Variants in PDE10A observed in about 807,000 individuals in gnomAD.
PDE10A encodes phosphodiesterase 10A, also known as cAMP and cAMP-inhibited cGMP 3',5'-cyclic phosphodiesterase 10A.
Under a neutral mutation model 97.7 loss-of-function variants are expected in PDE10A, and 39 were observed. That is an observed-to-expected ratio of 0.40 (90% CI 0.31 to 0.52). PDE10A has a LOEUF of 0.52. Ranked by LOEUF, PDE10A falls within the 20% of genes least tolerant of loss-of-function variation. The pLI is 0.56. For synonymous variants in PDE10A, 371 were observed against 376.8 expected (o/e 0.98, Z 0.18); for missense variants, 731 against 1,047.8 (o/e 0.70, Z 4.17).
intron 5 of PDE10A, among the ~76,000 whole-genome samples, chr6:165,446,143 A>C (rs984021153): frequency 2.6e-5 from 4 of 152,224 alleles, no homozygotes; most frequent in Non-Finnish European, 5.9e-5. Flanking sequence ...TATTTTAGTC[A>C]ATATTCAGAG....
At chr6:165,736,105 A>C (rs1235001281) in intron 1 of PDE10A, among the ~76,000 whole-genome samples, 1 of 152,220 alleles carries the variant, frequency 6.6e-6, no homozygotes, top group Non-Finnish European at 1.5e-5. Flanking sequence ...CAGTTCCTAA[A>C]TCATAGTTGC....
chr6:165,532,029 T>TA (rs1291537708), intron 2 of PDE10A, among the ~76,000 whole-genome samples: 1 of 152,156 alleles, frequency 6.6e-6, no homozygotes, highest in African/African-American at 2.4e-5. Flanking sequence ...AAAACTTTTT[T>TA]AAAAAAAGGA....
At chr6:165,790,467 T>C (rs1442789985) in intron 1 of PDE10A, among the ~76,000 whole-genome samples, 1 of 152,196 alleles carries the variant, frequency 6.6e-6, no homozygotes, top group Non-Finnish European at 1.5e-5. Context: ...TGGATAAATA[T>C]AAAATTGTAA....
At chr6:165,529,493 A>C (rs894757411) in intron 2 of PDE10A, among the ~76,000 whole-genome samples, 5 of 152,210 alleles carry the variant, frequency 3.3e-5, no homozygotes, top group African/African-American at 1.2e-4. Context: ...GCTGAAGGCC[A>C]AGGAAATACA....
At chr6:165,556,503 C>G (rs1218513350) in intron 1 of PDE10A, among the ~76,000 whole-genome samples, 2 of 152,000 alleles carry the variant, frequency 1.3e-5, no homozygotes, top group Non-Finnish European at 1.5e-5. Flanking sequence ...TTAAAGGGGA[C>G]AATAGTCATT....
chr6:165,986,927 C>T (rs1333832477), intron 1 of PDE10A, among the ~76,000 whole-genome samples: 1 of 151,532 alleles, frequency 6.6e-6, no homozygotes, highest in Non-Finnish European at 1.5e-5. Context: ...TCCGGACCCC[C>T]TCCTCCCCTA....
chr6:165,927,689 T>G (rs918237244), intron 1 of PDE10A, among the ~76,000 whole-genome samples: 5 of 139,066 alleles, frequency 3.6e-5, no homozygotes, highest in Non-Finnish European at 6.2e-5. Flanking sequence ...GTTTTTTGTT[T>G]GTTTGTTTGT....
chr6:165,384,965 A>G (rs1408529281), intron 17 of PDE10A, among the ~76,000 whole-genome samples: 1 of 152,186 alleles, frequency 6.6e-6, no homozygotes, highest in African/African-American at 2.4e-5. Flanking sequence ...CCATGCTCGT[A>G]ATCATCTGTG....
At chr6:165,670,203 A>C (rs1195419912) in intron 1 of PDE10A, among the ~76,000 whole-genome samples, 1 of 152,232 alleles carries the variant, frequency 6.6e-6, no homozygotes, top group African/African-American at 2.4e-5. Context: ...CTTCCTTCCC[A>C]AAACGACTGA....
intron 1 of PDE10A, among the ~76,000 whole-genome samples, chr6:165,874,792 G>A (rs148141550): frequency 5.8e-3 from 879 of 152,226 alleles, no homozygotes; most frequent in Middle Eastern, 0.027. Flanking sequence ...GGCGTAGTGG[G>A]TCTGCACTGA....
chr6:165,718,854 G>A (rs1029533079), intron 1 of PDE10A, among the ~76,000 whole-genome samples: 9 of 152,004 alleles, frequency 5.9e-5, no homozygotes, highest in Middle Eastern at 3.4e-3. Context: ...GAATGACTGA[G>A]GCTAAAATAA....
chr6:165,794,978 TACTC>T (rs1409864470), intron 1 of PDE10A, among the ~76,000 whole-genome samples: 1 of 152,244 alleles, frequency 6.6e-6, no homozygotes, highest in Non-Finnish European at 1.5e-5. Flanking sequence ...ATTATATAGA[TACTC>T]TATTATAAAA....
At chr6:165,336,696 C>A (rs1020794533) in intron 20 of PDE10A, among the ~76,000 whole-genome samples, 16 of 149,520 alleles carry the variant, frequency 1.1e-4, no homozygotes, top group Non-Finnish European at 2.1e-4. Flanking sequence ...TTGCAGTGAG[C>A]CGAGATTGCG....
intron 21 of PDE10A, among the ~76,000 whole-genome samples, chr6:165,335,415 CAAT>C (rs1045930905): frequency 6.6e-6 from 1 of 152,026 alleles, no homozygotes; most frequent in Non-Finnish European, 1.5e-5. Context: ...TGCAAAATAA[CAAT>C]AATAATAAAA....
At chr6:165,837,772 G>T (rs1393095390) in intron 1 of PDE10A, among the ~76,000 whole-genome samples, 2 of 139,402 alleles carry the variant, frequency 1.4e-5, no homozygotes, top group Admixed American at 1.6e-4. Context: ...TGCAAGCTCC[G>T]CCTCCCAGGT....
At chr6:165,874,684 C>A (rs7776001) in intron 1 of PDE10A, among the ~76,000 whole-genome samples, 26,639 of 152,090 alleles carry the variant, frequency 0.18, 2,483 homozygotes, top group Admixed American at 0.23. Flanking sequence ...TCAAATTATT[C>A]ACAATTGAAA....
chr6:165,789,579 A>T (rs1778590752), intron 1 of PDE10A, among the ~76,000 whole-genome samples: 3 of 152,248 alleles, frequency 2.0e-5, no homozygotes, highest in African/African-American at 7.2e-5. Flanking sequence ...TAATAATTAC[A>T]TAAGAAAACA....
At chr6:165,735,578 C>T (rs1049657916) in intron 1 of PDE10A, among the ~76,000 whole-genome samples, 1 of 152,058 alleles carries the variant, frequency 6.6e-6, no homozygotes, top group Non-Finnish European at 1.5e-5. Flanking sequence ...CTGTTTGAGT[C>T]TGAGGGCTGG....
At chr6:165,566,597 C>G (rs555739923) in intron 1 of PDE10A, among the ~76,000 whole-genome samples, 1 of 152,152 alleles carries the variant, frequency 6.6e-6, no homozygotes, top group African/African-American at 2.4e-5. Context: ...AATTACACTG[C>G]GGAACATGAT....
Sources: allele counts gnomAD v4.1 joint callset (sites outside exome capture counted in the v4.1 genomes callset), GRCh38; gene constraint gnomAD v4.1.1; transcripts MANE v1.5; gene names NCBI Gene and HGNC (gene_info 2026-07-23, HGNC 2026-07-21).